The following ATAD3C variants were observed in gnomAD, a reference collection of about 807,000 sequenced individuals.
ATAD3C encodes the protein ATPase family AAA domain-containing protein 3C.
In ATAD3C, 38 loss-of-function variants were observed where a neutral mutation model predicts 46.3. The ratio of observed to expected loss-of-function variants is 0.82; its 90% CI spans 0.63 to 1.08. ATAD3C has a LOEUF of 1.08. Ranked by LOEUF, ATAD3C falls within the 50% of genes least tolerant of loss-of-function variation. The pLI is 0.00. For synonymous variants in ATAD3C, 220 were observed against 236.4 expected (o/e 0.93, Z 0.63); for missense variants, 563 against 572.7 (o/e 0.98, Z 0.17).
At position 1,454,477 on chromosome 1, in the gene ATAD3C, G is replaced by C; in HGVS notation, c.355G>C (p.Glu119Gln). Residue 119 changes from glutamate to glutamine, a missense_variant, in exon 4 of 12, where the codon GAG (glutamate) becomes CAG (glutamine). Transcript: ENST00000378785. ...VRETSRITVLEALRHPIQQVS... is the reference protein window; with the variant it reads ...VRETSRITVLQALRHPIQQVS... ...GGAGACGTCCCGCATCACGGTGCTT[G>C]AGGCGCTGCGGCACCCCATCCAGGT... 6.2e-7 allele frequency: 1 copy of C among 1,609,296 alleles called. No individual in the cohort carries two copies. Among genetic ancestry groups the C allele is most frequent in the Non-Finnish European group, 8.5e-7 (1 of 1,179,270 alleles).
chr1:1,457,800 C>T (rs1638992422), intron 8 of ATAD3C, among the ~76,000 whole-genome samples: 1 of 151,166 alleles, frequency 6.6e-6, no homozygotes, highest in Admixed American at 6.6e-5. Flanking sequence ...GCTTCATCCT[C>T]CCAAGTAGCT....
chr1:1,460,952 G>A, intron 10 of ATAD3C, 35 bp downstream of exon 10: 1 of 1,575,048 alleles, frequency 6.3e-7, no homozygotes, highest in East Asian at 2.3e-5. Context: ...CCGTCCAGGG[G>A]CCCTCGCTCA....
At chr1:1,454,961 A>G (rs1445480726) in intron 4 of ATAD3C, among the ~76,000 whole-genome samples, 1 of 150,962 alleles carries the variant, frequency 6.6e-6, no homozygotes, top group Non-Finnish European at 1.5e-5. Context: ...CACACTTGTA[A>G]TCCCAGCACT....
Position 1,460,859 on chromosome 1 carries a change from CG to C in ATAD3C, c.923del (p.Arg308ProfsTer3). ...CCTGCCAGGGCAGGAGGAGCGGGCGCGCCTGGTGAGAATGTATCTTAACGAG... is the reference window on the plus strand; with the variant it reads ...CCTGCCAGGGCAGGAGGAGCGGGCGCCCTGGTGAGAATGTATCTTAACGAG... ...FDLPGQEERA[R>X]LVRMYLNEYV... On this transcript the variant is annotated frameshift_variant, in exon 10 of 12. Coordinates refer to ENST00000378785, the MANE Select transcript of ATAD3C (RefSeq NM_001039211.3). LOFTEE classifies it high-confidence loss of function. 6.2e-7 allele frequency: 1 copy of C among 1,613,112 alleles called. No individual in the cohort carries two copies. Among genetic ancestry groups the C allele is most frequent in the South Asian group, 1.1e-5 (1 of 90,936 alleles).
Position 1,450,497 on chromosome 1 carries a change from G to A in ATAD3C, c.-187G>A, listed in dbSNP as rs376940348. 1.1e-5 allele frequency: 8 copies of A among 724,528 alleles called. No individual in the cohort carries two copies. Among genetic ancestry groups the A allele is most frequent in the East Asian group, 5.5e-5 (2 of 36,404 alleles). The allele number at this position is 724,528 out of a possible 1,614,324, so 44.9% of individuals were successfully genotyped here. A position where few individuals can be genotyped will look rare whatever the true frequency, so the allele number is the denominator to read the frequency against. On this transcript the variant is annotated 5_prime_UTR_variant, in exon 1 of 12. The change creates a new upstream start codon in the 5' untranslated region. Coordinates refer to ENST00000378785, the MANE Select transcript of ATAD3C (RefSeq NM_001039211.3). ...TAAAACCTCACAAATGCATCAGGCC[G>A]TGTGCTGGGGATGGGGCATCGTCAC...
chr1:1,454,369 G>C lies in ATAD3C; in HGVS notation c.247G>C (p.Val83Leu), dbSNP rs1391643249. 1 of 1,599,588 alleles carries C rather than the reference G, an allele frequency of 6.3e-7. No homozygotes were observed. Among genetic ancestry groups the C allele is most frequent in the Non-Finnish European group, 8.5e-7 (1 of 1,175,160 alleles). The change falls in exon 4 of 12, where the codon GTC becomes CTC. Residue 83 changes from valine (V) to leucine (L), a missense_variant. This residue lies in a region of ATAD3C where 263 missense variants were observed against 243.1 expected (regional missense o/e 1.08). Transcript: ENST00000378785. ...ATVAGLTLLA[V>L]GVYSAKNATA... ...GGTGGCTGGGCTGACGCTGCTGGCT[G>C]TCGGGGTCTACTCAGCCAAGAATGC...
At chr1:1,451,044 A>ATT (rs755093409) in intron 1 of ATAD3C, among the ~76,000 whole-genome samples, 17 of 143,112 alleles carry the variant, frequency 1.2e-4, no homozygotes, top group African/African-American at 3.8e-4. Context: ...ACTCAGCAGG[A>ATT]TTTTTTTTTT....
At chr1:1,467,313 T>C (rs1296898628) in intron 11 of ATAD3C, among the ~76,000 whole-genome samples, 1 of 152,036 alleles carries the variant, frequency 6.6e-6, no homozygotes, top group Non-Finnish European at 1.5e-5. Context: ...TTGCCCTCTC[T>C]TGGGTGGGCT....
intron 11 of ATAD3C, among the ~76,000 whole-genome samples, chr1:1,463,358 C>G (rs1639100465): frequency 6.6e-6 from 1 of 152,118 alleles, no homozygotes; most frequent in South Asian, 2.1e-4. Context: ...GCATCGCTGC[C>G]TCTGGGGTCC....
chr1:1,463,416 G>A (rs1156239390), intron 11 of ATAD3C, among the ~76,000 whole-genome samples: 1 of 152,140 alleles, frequency 6.6e-6, no homozygotes, highest in Admixed American at 6.6e-5. Flanking sequence ...AGCACATTAT[G>A]TGTGACAGCT....
At chr1:1,464,942 G>C (rs946922077) in intron 11 of ATAD3C, among the ~76,000 whole-genome samples, 4 of 151,820 alleles carry the variant, frequency 2.6e-5, no homozygotes, top group African/African-American at 9.7e-5. Context: ...CTGGAGTGCA[G>C]TGTTGCGATC....
chr1:1,451,933 G>A, intron 1 of ATAD3C, 113 bp from the exon 2 acceptor site: 1 of 1,486,996 alleles, frequency 6.7e-7, no homozygotes, highest in Non-Finnish European at 9.0e-7. Flanking sequence ...AGGTCCCCAG[G>A]TGCCCGGGAC....
chr1:1,464,934 G>A (rs1639123046), intron 11 of ATAD3C, among the ~76,000 whole-genome samples: 1 of 151,822 alleles, frequency 6.6e-6, no homozygotes, highest in Non-Finnish European at 1.5e-5. Flanking sequence ...CGCCCAGGCT[G>A]GAGTGCAGTG....
At chr1:1,453,870 A>C (rs4970374) in intron 3 of ATAD3C, among the ~76,000 whole-genome samples, 27,764 of 149,406 alleles carry the variant, frequency 0.19, 3,040 homozygotes, top group East Asian at 0.37. Flanking sequence ...TCAACTCTCG[A>C]CCTCAGGTGA....
At chr1:1,452,257 G>C in intron 2 of ATAD3C, 108 bp from the exon 3 acceptor site, 1 of 1,591,046 alleles carries the variant, frequency 6.3e-7, no homozygotes, top group Non-Finnish European at 8.6e-7. Context: ...CTGCCCCCCT[G>C]TCCTGGCAGG....
chr1:1,460,566 G>A (rs899575193), intron 9 of ATAD3C, among the ~76,000 whole-genome samples, 184 bp from the exon 10 acceptor site: 2 of 152,072 alleles, frequency 1.3e-5, no homozygotes, highest in African/African-American at 2.4e-5. Context: ...ACAGCTGGGC[G>A]TGGTGGGGCA....
Position 1,454,398 on chromosome 1 carries a change from A to G in ATAD3C, c.276A>G (p.Thr92=), listed in dbSNP as rs751621007. 1 of 1,603,980 alleles carries G rather than the reference A, an allele frequency of 6.2e-7. No individual in the cohort carries two copies. Among genetic ancestry groups the G allele is most frequent in the Non-Finnish European group, 8.5e-7 (1 of 1,176,940 alleles). Residue 92 remains threonine, a synonymous_variant, in exon 4 of 12, where the codon ACA becomes ACG. Transcript: ENST00000378785. The part of the protein sequence containing the change: ...AVGVYSAKNA[T]AVTGRYIEAR... ...GGGTCTACTCAGCCAAGAATGCGAC[A>G]GCCGTCACTGGCCGCTACATCGAGG...
At chr1:1,457,928 A>G (rs892549453) in intron 8 of ATAD3C, among the ~76,000 whole-genome samples, 3 of 151,570 alleles carry the variant, frequency 2.0e-5, no homozygotes, top group African/African-American at 7.3e-5. Context: ...CCCCTGCCTC[A>G]GCCTCTCAAA....
rs1024573545 is a variant in ATAD3C at position 1,451,935 on chromosome 1, G to T, written c.76-111G>T. ...GTGCGGCGTCTGCAGGTCCCCAGGT[G>T]CCCGGGACGCTTGGAGCCCTGCGGT... On this transcript the variant is annotated intron_variant, in intron 1 of 11. Transcript: ENST00000378785. 32 of 1,492,272 alleles carry T rather than the reference G, an allele frequency of 2.1e-5. 1 individual carries two copies. The highest frequency in any genetic ancestry group is 2.8e-5 in the Non-Finnish European group (31 of 1,113,774). 92.4% of individuals were successfully genotyped at this position (1,492,272 alleles called of 1,614,324 possible).
Sources: gnomAD v4.1 joint callset for allele counts (sites outside exome capture counted in the v4.1 genomes callset) on GRCh38, gnomAD v4.1.1 for gene constraint, gnomAD v4.1.1 regional missense constraint, MANE v1.5 for transcripts, NCBI Gene and HGNC (gene_info 2026-07-23, HGNC 2026-07-21) for gene names.